MROH2B: variants seen among roughly 807,000 people sequenced by gnomAD.
The protein encoded by MROH2B is maestro heat-like repeat-containing protein family member 2B.
Under a neutral mutation model 208.6 loss-of-function variants are expected in MROH2B, and 177 were observed. That is an observed-to-expected ratio of 0.85 (90% CI 0.75 to 0.96). The LOEUF (loss-of-function observed/expected upper bound fraction) is 0.96. Ranked by LOEUF, MROH2B falls within the 40% of genes least tolerant of loss-of-function variation. The pLI, the probability that MROH2B is intolerant of heterozygous loss-of-function variation, is 0.00. For synonymous variants in MROH2B, 728 were observed against 659.0 expected, an observed-to-expected ratio of 1.10 and a Z score of -1.60; for missense variants, 2,002 against 1,878.7, an observed-to-expected ratio of 1.07 and a Z score of -1.21.
rs762785601 is a variant in MROH2B, at chr5:41,058,139, C to T, written c.680G>A (p.Arg227His). 2.1e-5 allele frequency: 33 copies of T among 1,606,890 alleles called. No homozygotes were observed. The Admixed American group carries it at 4.6e-4, about 22-fold the overall frequency. The change falls in exon 7 of 42, where the codon CGT (arginine) becomes CAT (histidine). Residue 227 changes from arginine to histidine, a missense_variant. Transcript: ENST00000399564. The stretch of plus-strand genomic sequence containing the variant: ...GGGCACCTGGCCCAGGGCGTATCCA[C>T]GGAAGTCTTCCCGATGCAGCAGCAA... ...VSLLLHREDF[R>H]GYALGQVPWL...
At chr5:41,041,840 G>A (rs1460864083) in intron 19 of MROH2B, among the ~76,000 whole-genome samples, 2 of 152,116 alleles carry the variant, frequency 1.3e-5, no homozygotes, top group East Asian at 3.8e-4. Flanking sequence ...TCTAAGTCAA[G>A]CCAAGGTCTG....
At chr5:41,009,830 T>C in intron 31 of MROH2B, 92 bp downstream of exon 31, 1 of 1,291,442 alleles carries the variant, frequency 7.7e-7, no homozygotes, top group East Asian at 2.4e-5. Flanking sequence ...TCAACCTTTG[T>C]TTGCTATCTT....
Position 41,033,044 on chromosome 5 carries a change from C to A in MROH2B, c.2358G>T (p.Met786Ile). Reference sequence around the variant, plus strand: ...TATTCCCTCTCTGCACACTCACCAGCATGTAACCAATCAGCATCTCCTTGT... The same window carrying A: ...TATTCCCTCTCTGCACACTCACCAGAATGTAACCAATCAGCATCTCCTTGT... ...FSYKEMLIGY[M>I]LDFIRDEPLD... Residue 786 changes from methionine (M) to isoleucine (I), a missense_variant, in exon 23 of 42, where the codon ATG becomes ATT. By Grantham distance (10) the Met-to-Ile change is conservative. Transcript: ENST00000399564. 3 of 1,612,940 alleles carry A rather than the reference C, an allele frequency of 1.9e-6. No homozygotes were observed. Among genetic ancestry groups the A allele is most frequent in the Non-Finnish European group, 2.5e-6 (3 of 1,179,210 alleles).
chr5:41,015,678 T>C (rs1741923584), intron 28 of MROH2B, among the ~76,000 whole-genome samples, 200 bp from the exon 29 acceptor site: 1 of 152,214 alleles, frequency 6.6e-6, no homozygotes, highest in African/African-American at 2.4e-5. Flanking sequence ...TTATTACTCA[T>C]AAACATTATC....
At chr5:41,000,143 T>C (rs1182568289) in intron 39 of MROH2B, 77 bp downstream of exon 39, 10 of 1,568,350 alleles carry the variant, frequency 6.4e-6, no homozygotes, top group Non-Finnish European at 8.6e-6. Context: ...AATTCCTTGC[T>C]ACATTGTTTG....
chr5:41,026,565 T>C lies in MROH2B; in HGVS notation c.2441+6177A>G, dbSNP rs1742367329. The stretch of plus-strand genomic sequence containing the variant: ...CACAAACAAATGGAAGAACATTCCA[T>C]GCTCATGGATAGGAAGAATCAATAT... On this transcript the variant is annotated intron_variant, in intron 24 of 41. Coordinates refer to ENST00000399564, the MANE Select transcript of MROH2B (RefSeq NM_173489.5). Among the ~76,000 whole-genome samples, 6 of 152,226 alleles carry C rather than the reference T, an allele frequency of 3.9e-5. No individual in the cohort carries two copies. The South Asian group carries it at 1.2e-3, about 31-fold the overall frequency.
intron 24 of MROH2B, 93 bp from the exon 25 acceptor site, chr5:41,019,111 A>T (rs773530019): frequency 6.7e-7 from 1 of 1,503,704 alleles, no homozygotes; most frequent in Non-Finnish European, 9.1e-7. Flanking sequence ...ACATCTGACC[A>T]GGCAACTAAC....
intron 26 of MROH2B, 25 bp downstream of exon 26, chr5:41,018,666 C>T (rs775273091): frequency 1.2e-6 from 2 of 1,605,732 alleles, no homozygotes; most frequent in Admixed American, 3.3e-5. Context: ...GAATGAGAAT[C>T]AGTTTGAGTG....
intron 37 of MROH2B, among the ~76,000 whole-genome samples, chr5:41,002,811 A>G (rs1561272150): frequency 6.6e-6 from 1 of 152,216 alleles, no homozygotes; most frequent in Non-Finnish European, 1.5e-5. Flanking sequence ...CTCAGATCTA[A>G]GAGAATTATT....
chr5:41,009,775 T>G, intron 31 of MROH2B, 147 bp downstream of exon 31: 1 of 708,024 alleles, frequency 1.4e-6, no homozygotes, highest in South Asian at 2.7e-5. Flanking sequence ...ACATTACTTG[T>G]GATTCAAATA....
chr5:41,064,749 G>A (rs746004647), intron 4 of MROH2B, among the ~76,000 whole-genome samples, 179 bp from the exon 5 acceptor site: 6 of 152,162 alleles, frequency 3.9e-5, no homozygotes, highest in Non-Finnish European at 8.8e-5. Flanking sequence ...GCTGTAGTTA[G>A]ATAATCAAGG....
At chr5:41,017,266 T>A (rs1165083276) in intron 28 of MROH2B, among the ~76,000 whole-genome samples, 1 of 152,218 alleles carries the variant, frequency 6.6e-6, no homozygotes, top group Admixed American at 6.5e-5. Context: ...TAAAAATTCC[T>A]AATATTTTGT....
At chr5:41,005,440 C>T (rs1282338771) in intron 35 of MROH2B, 91 bp downstream of exon 35, 3 of 273,224 alleles carry the variant, frequency 1.1e-5, no homozygotes, top group African/African-American at 5.3e-5. Flanking sequence ...AGTCTCTCTT[C>T]CCTGGTTCCA....
In MROH2B at chr5:41,004,502, T is replaced by C. The variant is rs1211484091; in HGVS notation, c.4038A>G (p.Leu1346=). Residue 1346 remains leucine, a synonymous_variant, in exon 37 of 42, where the codon CTA becomes CTG. Transcript: ENST00000399564. ...GATACAGGCCTCTGATGATAGATTC[T>C]AGCATTAACTGCTTATGTTTCTTCA... ...HKVKKHKQLM[L]ESIIRGLYHL... 1 of 1,610,766 alleles carries C rather than the reference T, an allele frequency of 6.2e-7. No homozygotes were observed. Among genetic ancestry groups the C allele is most frequent in the Non-Finnish European group, 8.5e-7 (1 of 1,179,168 alleles).
chr5:41,008,893 A>G, intron 32 of MROH2B, 100 bp from the exon 33 acceptor site: 1 of 1,218,628 alleles, frequency 8.2e-7, no homozygotes, highest in Admixed American at 2.4e-5. Flanking sequence ...ACCAGTAAAA[A>G]CACACAGAAA....
chr5:41,065,303 G>C, intron 4 of MROH2B, 28 bp downstream of exon 4: 1 of 1,583,458 alleles, frequency 6.3e-7, no homozygotes, highest in Non-Finnish European at 8.6e-7. Flanking sequence ...CATTTCCCAG[G>C]GAAAATTGGA....
chr5:41,036,168 T>C (rs1221782377), intron 21 of MROH2B, among the ~76,000 whole-genome samples: 1 of 151,864 alleles, frequency 6.6e-6, no homozygotes, highest in Non-Finnish European at 1.5e-5. Context: ...CATTTATACA[T>C]AGATATGGTT....
At chr5:41,030,252 C>G (rs2150165262) in intron 24 of MROH2B, among the ~76,000 whole-genome samples, 2 of 151,876 alleles carry the variant, frequency 1.3e-5, no homozygotes, top group Middle Eastern at 6.8e-3. Flanking sequence ...CAAATCAAAA[C>G]CACAAGAAAA....
At chr5:41,067,597 A>G (rs1389555611) in intron 2 of MROH2B, among the ~76,000 whole-genome samples, 1 of 152,028 alleles carries the variant, frequency 6.6e-6, no homozygotes, top group Non-Finnish European at 1.5e-5. Context: ...CGAACTCCTG[A>G]CCTCAGGTGA....
Sources: allele counts gnomAD v4.1 joint callset (sites outside exome capture counted in the v4.1 genomes callset), GRCh38; gene constraint gnomAD v4.1.1; transcripts MANE v1.5; gene names NCBI Gene and HGNC (gene_info 2026-07-23, HGNC 2026-07-21).